MAST2: variants seen among roughly 807,000 people sequenced by gnomAD.
MAST2 encodes microtubule-associated serine/threonine-protein kinase 2.
Under a neutral mutation model 147.4 loss-of-function variants are expected in MAST2, and 70 were observed. The observed-to-expected ratio is 0.47, with a 90% CI of 0.39 to 0.58. MAST2 has a LOEUF of 0.58. Among genes scored for constraint, MAST2 ranks in the 20% least tolerant of loss-of-function variants. The pLI, the probability that MAST2 is intolerant of heterozygous loss-of-function variation, is 0.00. For missense variants in MAST2, 2,080 were observed against 2,302.3 expected, an observed-to-expected ratio of 0.90 and a Z score of 1.98; for synonymous variants, 869 against 896.8, an observed-to-expected ratio of 0.97 and a Z score of 0.55.
chr1:45,933,238 C>G (rs11589549), intron 4 of MAST2, among the ~76,000 whole-genome samples: 35,943 of 104,228 alleles, frequency 0.34, 6,034 homozygotes, highest in African/African-American at 0.42. Flanking sequence ...AAAAAAAAAG[C>G]GGGGGGGTTG....
At chr1:46,000,483 C>A (rs895507260) in intron 6 of MAST2, among the ~76,000 whole-genome samples, 2 of 152,246 alleles carry the variant, frequency 1.3e-5, no homozygotes, top group Non-Finnish European at 2.9e-5. Context: ...TCCATTGATA[C>A]CATGGGTCTG....
At chr1:46,021,753 G>A (rs898118891) in intron 11 of MAST2, among the ~76,000 whole-genome samples, 197 bp from the exon 12 acceptor site, 2 of 152,218 alleles carry the variant, frequency 1.3e-5, no homozygotes, top group African/African-American at 4.8e-5. Flanking sequence ...TGTCCAATCT[G>A]GAGGTGACCT....
intron 6 of MAST2, among the ~76,000 whole-genome samples, chr1:46,002,309 A>G (rs1365405777): frequency 6.6e-6 from 1 of 152,182 alleles, no homozygotes; most frequent in Non-Finnish European, 1.5e-5. Flanking sequence ...TAGGCAGCCT[A>G]TAACTGTTTC....
Position 45,889,962 on chromosome 1 carries a change from C to G in MAST2, c.500+7567C>G, listed in dbSNP as rs564622906. 1.3e-4 allele frequency among the ~76,000 whole-genome samples: 20 copies of G among 152,212 alleles called. 1 individual carries two copies. In the South Asian group the frequency reaches 4.2e-3, roughly 32 times the overall value. ...GTTTCACCATGTTGGCCATGATGGT[C>G]TCAATCTTTTGACCTCGTGATCCGC... On this transcript the variant is annotated intron_variant, in intron 4 of 28. Coordinates refer to ENST00000361297, the MANE Select transcript of MAST2 (RefSeq NM_015112.3).
intron 11 of MAST2, among the ~76,000 whole-genome samples, chr1:46,020,217 G>C (rs929292404): frequency 2.0e-5 from 3 of 152,178 alleles, no homozygotes; most frequent in Non-Finnish European, 2.9e-5. Flanking sequence ...ACGGGAACCT[G>C]GAAAAGGAAG....
intron 5 of MAST2, among the ~76,000 whole-genome samples, chr1:45,987,504 G>T (rs1317463598): frequency 6.6e-6 from 1 of 152,080 alleles, no homozygotes; most frequent in Non-Finnish European, 1.5e-5. Context: ...TAGAGATGGG[G>T]TCTCATCGTG....
intron 4 of MAST2, among the ~76,000 whole-genome samples, chr1:45,939,097 A>G (rs1656741565): frequency 6.6e-6 from 1 of 150,872 alleles, no homozygotes; most frequent in African/African-American, 2.4e-5. Flanking sequence ...CTAAGAACTT[A>G]CTTGCCTAAC....
At chr1:46,002,691 A>AT in intron 6 of MAST2, 114 bp from the exon 7 acceptor site, 6 of 828,264 alleles carry the variant, frequency 7.2e-6, no homozygotes, top group Non-Finnish European at 1.3e-5. Context: ...TAATGTCTTA[A>AT]GGAGGAGCCC....
intron 4 of MAST2, among the ~76,000 whole-genome samples, chr1:45,945,246 G>C (rs2148824091): frequency 1.3e-5 from 2 of 152,300 alleles, no homozygotes; most frequent in Middle Eastern, 6.8e-3. Flanking sequence ...GTCTATAGTG[G>C]ACTGAGATTG....
intron 3 of MAST2, among the ~76,000 whole-genome samples, chr1:45,866,978 T>C (rs1646180747): frequency 6.6e-6 from 1 of 152,160 alleles, no homozygotes; most frequent in Admixed American, 6.5e-5. Context: ...CTCAAACTCC[T>C]GACCTCAGGT....
At chr1:45,937,144 C>A (rs2148762872) in intron 4 of MAST2, among the ~76,000 whole-genome samples, 1 of 151,212 alleles carries the variant, frequency 6.6e-6, no homozygotes, top group Middle Eastern at 3.4e-3. Flanking sequence ...CTACGTTGCC[C>A]AGGGTGATCC....
At chr1:45,846,985 A>G (rs963697983) in intron 3 of MAST2, 1 of 259,774 alleles carries the variant, frequency 3.8e-6, no homozygotes, top group African/African-American at 2.3e-5. Flanking sequence ...AATTCAAGTG[A>G]AGATGATTAG....
intron 5 of MAST2, among the ~76,000 whole-genome samples, chr1:45,981,575 A>G (rs964543843): frequency 5.9e-5 from 9 of 152,128 alleles, no homozygotes; most frequent in African/African-American, 1.4e-4. Context: ...CTGGTCCCCA[A>G]TCCTTCAGAG....
intron 1 of MAST2, among the ~76,000 whole-genome samples, chr1:45,816,906 T>C (rs1644472784): frequency 6.6e-6 from 1 of 152,168 alleles, no homozygotes; most frequent in Admixed American, 6.6e-5. Flanking sequence ...CTCGATCTCC[T>C]GACCTCGTGA....
chr1:45,868,689 G>C (rs144837786), intron 3 of MAST2, among the ~76,000 whole-genome samples: 1 of 152,042 alleles, frequency 6.6e-6, no homozygotes, highest in East Asian at 1.9e-4. Flanking sequence ...TTTTTATTTT[G>C]CAAATTATGA....
chr1:46,033,719 C>T, intron 26 of MAST2, 83 bp from the exon 27 acceptor site: 2 of 1,550,448 alleles, frequency 1.3e-6, no homozygotes, highest in Admixed American at 1.8e-5. Flanking sequence ...GTGGTATAGC[C>T]ATGCCAGAAG....
intron 6 of MAST2, among the ~76,000 whole-genome samples, chr1:45,999,886 A>AG (rs1645203216): frequency 6.6e-6 from 1 of 152,222 alleles, no homozygotes; most frequent in Non-Finnish European, 1.5e-5. Context: ...CACCTTTAAT[A>AG]GAGATACCTT....
At position 46,030,636 on chromosome 1, in the gene MAST2, G is replaced by C. The variant is rs1216529816; in HGVS notation, c.2583G>C (p.Leu861=). Reference sequence around the variant, plus strand: ...ACAGCAGCATGGAGCGGCTCTCACTGCTCGAGGAGCGCCGGACACCACCCC... The same window carrying C: ...ACAGCAGCATGGAGCGGCTCTCACTCCTCGAGGAGCGCCGGACACCACCCC... ...KVYSSMERLS[L]LEERRTPPPT... is the part of the protein sequence containing the mutation. The change falls in exon 22 of 29, where the codon CTG becomes CTC. Residue 861 remains leucine (L), a synonymous_variant. Coordinates refer to ENST00000361297, the MANE Select transcript of MAST2 (RefSeq NM_015112.3). 1 of 1,611,196 alleles carries C rather than the reference G, an allele frequency of 6.2e-7. No individual in the cohort carries two copies. Among genetic ancestry groups the C allele is most frequent in the Non-Finnish European group, 8.5e-7 (1 of 1,179,194 alleles).
rs144210355 is a variant in MAST2 at position 45,853,111 on chromosome 1, G to T, written c.468+23530G>T. On this transcript the variant is annotated intron_variant, in intron 3 of 28. Transcript: ENST00000361297. The stretch of plus-strand genomic sequence containing the variant: ...ATGCTCACTAATTTTTGTATTTTTA[G>T]TAGAGACAGGGTTTCACCATGTTGG... 2.7e-3 allele frequency among the ~76,000 whole-genome samples: 414 copies of T among 151,900 alleles called. 2 individuals carry two copies. The highest frequency in any genetic ancestry group is 9.2e-3 in the African/African-American group (382 of 41,420).
Sources: allele counts gnomAD v4.1 joint callset (sites outside exome capture counted in the v4.1 genomes callset), GRCh38; gene constraint gnomAD v4.1.1; transcripts MANE v1.5; gene names NCBI Gene and HGNC (gene_info 2026-07-23, HGNC 2026-07-21).